Variants in FOXP1 observed in about 807,000 individuals in gnomAD.
FOXP1 encodes the protein forkhead box protein P1.
FOXP1 carries 15 observed loss-of-function variants against 98.2 expected under a neutral mutation model. The ratio of observed to expected loss-of-function variants is 0.15; its 90% CI spans 0.10 to 0.24. The LOEUF (loss-of-function observed/expected upper bound fraction) is 0.24. FOXP1 is among the 10% of genes least tolerant of loss of function. The pLI, the probability that FOXP1 is intolerant of heterozygous loss-of-function variation, is 1.00. For synonymous variants in FOXP1, 371 were observed against 314.5 expected, an observed-to-expected ratio of 1.18 and a Z score of -1.90; for missense variants, 633 against 848.5, an observed-to-expected ratio of 0.75 and a Z score of 3.15.
At chr3:71,517,193 C>CA (rs373133762) in intron 2 of FOXP1, among the ~76,000 whole-genome samples, 48,867 of 148,304 alleles carry the variant, frequency 0.33, 8,994 homozygotes, top group Non-Finnish European at 0.43. Flanking sequence ...GGTGATCTAT[C>CA]AAAAAAAAAA....
intron 12 of FOXP1, among the ~76,000 whole-genome samples, chr3:71,002,417 C>G (rs1348123418): frequency 2.6e-5 from 4 of 152,100 alleles, no homozygotes; most frequent in African/African-American, 7.2e-5. Flanking sequence ...CAATCTTAGG[C>G]CAGAATAATG....
intron 3 of FOXP1, among the ~76,000 whole-genome samples, chr3:71,378,558 G>A (rs1220865015): frequency 6.6e-6 from 1 of 152,116 alleles, no homozygotes; most frequent in African/African-American, 2.4e-5. Context: ...TCACTTAGTA[G>A]CCATATTGGT....
At chr3:70,977,271 ATTTAT>A (rs1175453235) in intron 16 of FOXP1, among the ~76,000 whole-genome samples, 1 of 152,170 alleles carries the variant, frequency 6.6e-6, no homozygotes, top group African/African-American at 2.4e-5. Context: ...AGAAATATTA[ATTTAT>A]TAGTCATTCA....
At chr3:71,323,387 G>A (rs2075506645) in intron 4 of FOXP1, among the ~76,000 whole-genome samples, 1 of 152,148 alleles carries the variant, frequency 6.6e-6, no homozygotes, top group African/African-American at 2.4e-5. Flanking sequence ...TCCCAACACA[G>A]AAACTGGGAG....
At chr3:71,277,010 G>A (rs2070976247) in intron 5 of FOXP1, among the ~76,000 whole-genome samples, 2 of 148,138 alleles carry the variant, frequency 1.4e-5, no homozygotes, top group African/African-American at 5.0e-5. Context: ...CCAGGCTGGA[G>A]TGCAGTGGTG....
At chr3:71,131,403 CAAAAA>C (rs10681690) in intron 6 of FOXP1, among the ~76,000 whole-genome samples, 18 of 126,516 alleles carry the variant, frequency 1.4e-4, no homozygotes, top group African/African-American at 4.4e-4. Flanking sequence ...TATTCAATAA[CAAAAA>C]AAAAAAAAAA....
At chr3:71,418,384 A>T (rs1577394497) in intron 3 of FOXP1, among the ~76,000 whole-genome samples, 2 of 152,362 alleles carry the variant, frequency 1.3e-5, no homozygotes, top group East Asian at 3.9e-4. Flanking sequence ...ATTCTCCTGC[A>T]CAGGAAAAAT....
chr3:71,268,462 A>G (rs989783650), intron 5 of FOXP1, among the ~76,000 whole-genome samples: 1 of 152,162 alleles, frequency 6.6e-6, no homozygotes, highest in Non-Finnish European at 1.5e-5. Context: ...AGAAGCTTCA[A>G]AAACTGATGA....
chr3:70,960,224 C>A (rs1350729533), intron 20 of FOXP1, among the ~76,000 whole-genome samples: 2 of 152,156 alleles, frequency 1.3e-5, no homozygotes, highest in Non-Finnish European at 2.9e-5. Context: ...AAAGCCCTGC[C>A]AGGAAACACA....
chr3:71,114,793 T>G (rs957190158), intron 6 of FOXP1, among the ~76,000 whole-genome samples: 3 of 151,920 alleles, frequency 2.0e-5, no homozygotes, highest in Non-Finnish European at 4.4e-5. Context: ...CCTGGGAGAG[T>G]TGCCTGAGAC....
intron 3 of FOXP1, among the ~76,000 whole-genome samples, chr3:71,463,897 G>A (rs2088425214): frequency 6.6e-6 from 1 of 152,160 alleles, no homozygotes; most frequent in Admixed American, 6.5e-5. Context: ...AGGGGATCCA[G>A]CCTGAACAGG....
chr3:70,966,129 A>G, intron 19 of FOXP1, 73 bp from the exon 20 acceptor site: 6 of 1,236,614 alleles, frequency 4.9e-6, no homozygotes. Context: ...TTATGGGTGT[A>G]CTCGATAATC....
At chr3:71,315,104 A>G (rs1431039992) in intron 4 of FOXP1, among the ~76,000 whole-genome samples, 19 of 133,714 alleles carry the variant, frequency 1.4e-4, no homozygotes, top group East Asian at 3.9e-4. Context: ...AAAAAAAAAA[A>G]AAAGAAAGAA....
Position 71,492,384 on chromosome 3 carries a change from G to A in FOXP1, c.-168+1042C>T, listed in dbSNP as rs148430025. Among the ~76,000 whole-genome samples, 256 of 151,722 alleles carry A rather than the reference G, an allele frequency of 1.7e-3. 1 individual carries two copies. Among genetic ancestry groups the A allele is most frequent in the African/African-American group, 5.7e-3 (235 of 41,316 alleles). ...GAAAAATTGCTTGAACCTGGGAGGC[G>A]GAGGTTGCAGTGAGCCGAGATCGCG... On this transcript the variant is annotated intron_variant, in intron 3 of 20. Coordinates refer to ENST00000649528, the MANE Select transcript of FOXP1 (RefSeq NM_001349338.3).
chr3:70,988,762 T>C (rs766251279), intron 13 of FOXP1, among the ~76,000 whole-genome samples: 2 of 152,276 alleles, frequency 1.3e-5, no homozygotes, highest in Non-Finnish European at 2.9e-5. Flanking sequence ...CAAATACTAC[T>C]GATTGGAAGC....
intron 2 of FOXP1, among the ~76,000 whole-genome samples, chr3:71,549,858 A>G (rs2045635574): frequency 2.1e-5 from 2 of 94,284 alleles, no homozygotes; most frequent in African/African-American, 3.7e-5. Context: ...TAATGCTGGG[A>G]GTAAAAAAAA....
chr3:71,321,175 C>T (rs1210517957), intron 4 of FOXP1, among the ~76,000 whole-genome samples: 1 of 150,716 alleles, frequency 6.6e-6, no homozygotes, highest in African/African-American at 2.4e-5. Flanking sequence ...GACGATTTTG[C>T]ATTAAGGTCT....
At chr3:70,965,604 A>G (rs980313966) in intron 20 of FOXP1, among the ~76,000 whole-genome samples, 2 of 152,168 alleles carry the variant, frequency 1.3e-5, no homozygotes, top group African/African-American at 4.8e-5. Context: ...AGGAAAAAGT[A>G]GTGTGGCTTA....
chr3:71,243,579 G>A (rs965172573), intron 5 of FOXP1, among the ~76,000 whole-genome samples: 3 of 152,164 alleles, frequency 2.0e-5, no homozygotes, highest in African/African-American at 7.2e-5. Context: ...TTGAACTAAT[G>A]AACAAGTACG....
Sources: gnomAD v4.1 joint callset for allele counts (sites outside exome capture counted in the v4.1 genomes callset) on GRCh38, gnomAD v4.1.1 for gene constraint, MANE v1.5 for transcripts, NCBI Gene and HGNC (gene_info 2026-07-23, HGNC 2026-07-21) for gene names.